Variants in PLCL2 observed in about 807,000 individuals in gnomAD.
PLCL2 encodes the protein phospholipase C like 2, also known as inactive phospholipase C-like protein 2.
Under a neutral mutation model 79.6 loss-of-function variants are expected in PLCL2, and 4 were observed. The ratio of observed to expected loss-of-function variants is 0.05; its 90% CI spans 0.02 to 0.11. The LOEUF is 0.11. Ranked by LOEUF, PLCL2 falls within the 10% of genes least tolerant of loss-of-function variation. The probability of loss-of-function intolerance (pLI) is 1.00; values close to 1 mark genes in which losing one functional copy is unlikely to be tolerated. For missense variants in PLCL2, 895 were observed against 1,291.0 expected, an observed-to-expected ratio of 0.69 and a Z score of 4.70; for synonymous variants, 484 against 457.7, an observed-to-expected ratio of 1.06 and a Z score of -0.73.
chr3:16,895,392 G>A (rs1696455762), intron 1 of PLCL2, among the ~76,000 whole-genome samples: 3 of 152,104 alleles, frequency 2.0e-5, no homozygotes, highest in African/African-American at 7.2e-5. Context: ...CATTTTGTGT[G>A]TGTGGTGTGA....
intron 1 of PLCL2, among the ~76,000 whole-genome samples, chr3:16,942,558 C>T (rs1221867828): frequency 2.6e-5 from 4 of 152,202 alleles, no homozygotes; most frequent in Admixed American, 2.6e-4. Context: ...AAGGGGTCAC[C>T]ACATTTCTTC....
At chr3:16,894,097 T>C (rs1300269166) in intron 1 of PLCL2, among the ~76,000 whole-genome samples, 1 of 152,204 alleles carries the variant, frequency 6.6e-6, no homozygotes, top group Non-Finnish European at 1.5e-5. Flanking sequence ...TATGACTCTC[T>C]CCATATGGTT....
chr3:16,986,031 A>G (rs2064047117), intron 1 of PLCL2, among the ~76,000 whole-genome samples: 1 of 152,064 alleles, frequency 6.6e-6, no homozygotes, highest in South Asian at 2.1e-4. Context: ...TGGAGCCAAG[A>G]CATAGGGAAC....
At chr3:16,957,818 T>G (rs548756477) in intron 1 of PLCL2, among the ~76,000 whole-genome samples, 1 of 152,214 alleles carries the variant, frequency 6.6e-6, no homozygotes, top group Non-Finnish European at 1.5e-5. Flanking sequence ...TTTGTTGGTT[T>G]AAAGTCTGTT....
intron 1 of PLCL2, among the ~76,000 whole-genome samples, chr3:16,960,521 A>C (rs2063745184): frequency 1.3e-5 from 2 of 151,940 alleles, no homozygotes; most frequent in Admixed American, 1.3e-4. Context: ...TCTCCCACCT[A>C]CTCAGCACCA....
intron 4 of PLCL2, among the ~76,000 whole-genome samples, chr3:17,063,940 T>C (rs1327123540): frequency 1.3e-5 from 2 of 152,246 alleles, no homozygotes; most frequent in African/African-American, 2.4e-5. Context: ...AGCTTTTTAC[T>C]TCTTACCTGA....
chr3:16,996,352 C>T (rs1553642478), intron 1 of PLCL2, among the ~76,000 whole-genome samples: 1 of 151,986 alleles, frequency 6.6e-6, no homozygotes, highest in Non-Finnish European at 1.5e-5. Context: ...GGCCTTCCTA[C>T]CCAGGAAGGA....
chr3:16,957,178 T>G (rs934188133), intron 1 of PLCL2, among the ~76,000 whole-genome samples: 86 of 152,274 alleles, frequency 5.6e-4, no homozygotes, highest in African/African-American at 2.0e-3. Context: ...TGCTATAAAT[T>G]TCCCTCTACA....
chr3:16,953,026 A>T (rs534298580), intron 1 of PLCL2, among the ~76,000 whole-genome samples: 8 of 152,266 alleles, frequency 5.3e-5, no homozygotes, highest in Non-Finnish European at 1.0e-4. Flanking sequence ...ATGTAATTCT[A>T]ATACTCAGTA....
intron 1 of PLCL2, among the ~76,000 whole-genome samples, chr3:16,958,301 A>G (rs1490471769): frequency 6.6e-6 from 1 of 152,234 alleles, no homozygotes; most frequent in African/African-American, 2.4e-5. Context: ...GTAGATAATT[A>G]TGAAACTAGA....
chr3:17,057,395 G>T (rs2064902486), intron 4 of PLCL2, among the ~76,000 whole-genome samples: 1 of 152,098 alleles, frequency 6.6e-6, no homozygotes, highest in African/African-American at 2.4e-5. Context: ...CTCACTCGGG[G>T]ACTCAGTGAT....
intron 1 of PLCL2, among the ~76,000 whole-genome samples, chr3:16,990,791 T>C (rs2064097436): frequency 6.6e-6 from 1 of 152,216 alleles, no homozygotes. Flanking sequence ...AGTTTGAGCA[T>C]TGAGTCACTC....
chr3:16,991,883 A>C (rs1221418180), intron 1 of PLCL2, among the ~76,000 whole-genome samples: 3 of 152,158 alleles, frequency 2.0e-5, no homozygotes, highest in African/African-American at 7.2e-5. Flanking sequence ...TTTTCAGTAA[A>C]CCCAAGTGAA....
chr3:16,958,616 A>C (rs1467579905), intron 1 of PLCL2, among the ~76,000 whole-genome samples: 1 of 152,236 alleles, frequency 6.6e-6, no homozygotes, highest in Non-Finnish European at 1.5e-5. Flanking sequence ...GACCAATTTA[A>C]TGTGTCAAAC....
intron 1 of PLCL2, among the ~76,000 whole-genome samples, chr3:16,969,316 G>A (rs967826148): frequency 4.6e-5 from 7 of 152,118 alleles, no homozygotes; most frequent in African/African-American, 1.7e-4. Context: ...CAGTAGAAAT[G>A]ATACCAGCTC....
chr3:16,907,286 A>T (rs1696773551), intron 1 of PLCL2, among the ~76,000 whole-genome samples: 1 of 152,222 alleles, frequency 6.6e-6, no homozygotes, highest in Non-Finnish European at 1.5e-5. Context: ...AAGGGGCTAG[A>T]TTATGAATTT....
intron 1 of PLCL2, among the ~76,000 whole-genome samples, chr3:16,902,255 A>AT (rs973703984): frequency 4.6e-5 from 7 of 152,140 alleles, no homozygotes; most frequent in Admixed American, 1.3e-4. Context: ...AAGAGAGAGT[A>AT]TTTTTTTTAA....
chr3:17,076,211 G>T (rs1432033932), intron 5 of PLCL2, among the ~76,000 whole-genome samples: 1 of 152,138 alleles, frequency 6.6e-6, no homozygotes, highest in Non-Finnish European at 1.5e-5. Flanking sequence ...CCAGTAAGTG[G>T]ATGGGGGTTG....
At chr3:17,048,543 C>T (rs1180341437) in intron 4 of PLCL2, among the ~76,000 whole-genome samples, 1 of 152,136 alleles carries the variant, frequency 6.6e-6, no homozygotes, top group Non-Finnish European at 1.5e-5. Flanking sequence ...ACACTTAAAG[C>T]CCATACATGA....
Sources: allele counts gnomAD v4.1 joint callset (sites outside exome capture counted in the v4.1 genomes callset), GRCh38; gene constraint gnomAD v4.1.1; transcripts MANE v1.5; gene names NCBI Gene and HGNC (gene_info 2026-07-23, HGNC 2026-07-21).